Variants in TOP2B observed in about 807,000 individuals in gnomAD.
TOP2B encodes DNA topoisomerase 2-beta.
A neutral mutation model predicts 193.5 loss-of-function variants in TOP2B; 51 were observed. The observed-to-expected ratio is 0.26, with a 90% CI of 0.21 to 0.33. The LOEUF (loss-of-function observed/expected upper bound fraction) is 0.33. Among genes scored for constraint, TOP2B ranks in the 10% least tolerant of loss-of-function variants. The pLI, the probability that TOP2B is intolerant of heterozygous loss-of-function variation, is 1.00. For missense variants in TOP2B, 1,378 were observed against 1,909.3 expected, an observed-to-expected ratio of 0.72 and a Z score of 5.19; for synonymous variants, 634 against 635.7, an observed-to-expected ratio of 1.00 and a Z score of 0.04.
intron 29 of TOP2B, 82 bp from the exon 30 acceptor site, chr3:25,609,426 A>AAAAAAATAAAATTATTTTGTAATGAAAAC: frequency 2.8e-6 from 4 of 1,452,082 alleles, no homozygotes; most frequent in Non-Finnish European, 3.7e-6. Flanking sequence ...TATAATGAAA[A>AAAAAAATAAAATTATTTTGTAATGAAAAC]GTTCATTACA....
Position 25,598,061 on chromosome 3 carries a change from T to C in TOP2B, c.*246A>G. ...TTGTAACCATGACAATTAAAATCTG[T>C]GCTAATGCACGGCAGTCTATAACAA... On this transcript the variant is annotated 3_prime_UTR_variant, in exon 36 of 36. Coordinates refer to ENST00000264331, the MANE Select transcript of TOP2B (RefSeq NM_001330700.2). 1 of 296,316 alleles carries C rather than the reference T, an allele frequency of 3.4e-6. No homozygotes were observed. The highest frequency in any genetic ancestry group is 5.9e-5 in the East Asian group (1 of 16,984). 18.4% of individuals were successfully genotyped at this position (296,316 alleles called of 1,614,324 possible).
In TOP2B at chr3:25,607,056, CATGAAGAAG is replaced by C. The variant is rs1291239733; in HGVS notation, c.4298+106_4298+114del. The C allele has an allele frequency of 9.3e-6, 13 of 1,391,278 alleles. No individual in the cohort carries two copies. The Middle Eastern group carries it at 2.3e-3, about 250-fold the overall frequency. 86.2% of individuals were successfully genotyped at this position (1,391,278 alleles called of 1,614,324 possible). On this transcript the variant is annotated intron_variant, in intron 31 of 35. Transcript: ENST00000264331. ...GCAATATTAACAAGATTGATTCCTT[CATGAAGAAG>C]AACTTGCCTAGAATGATAACAATTT...
intron 1 of TOP2B, among the ~76,000 whole-genome samples, chr3:25,650,595 T>C (rs535593503): frequency 6.6e-6 from 1 of 152,378 alleles, no homozygotes; most frequent in African/African-American, 2.4e-5. Context: ...ATGGAAAGTC[T>C]GTGAATCTTT....
In TOP2B at chr3:25,609,265, A is replaced by G. The variant is rs1212990377; in HGVS notation, c.4011T>C (p.Asp1337=). The G allele has an allele frequency of 1.2e-6, 2 of 1,604,424 alleles. No homozygotes were observed. Among genetic ancestry groups the G allele is most frequent in the Admixed American group, 1.7e-5 (1 of 58,944 alleles). ...KKVKKRNPWS[D]DESKSESDLE... Reference sequence around the variant, plus strand: ...AATCACTTTCTGACTTGGATTCATCATCTGACCAAGGATTCCGTTTCTTCA... The same window carrying G: ...AATCACTTTCTGACTTGGATTCATCGTCTGACCAAGGATTCCGTTTCTTCA... The change falls in exon 30 of 36, where the codon GAT becomes GAC. Residue 1337 remains aspartate (D), a synonymous_variant. Coordinates refer to ENST00000264331, the MANE Select transcript of TOP2B (RefSeq NM_001330700.2).
intron 10 of TOP2B, 77 bp downstream of exon 10, chr3:25,632,369 C>T: frequency 2.3e-6 from 3 of 1,279,154 alleles, no homozygotes; most frequent in Non-Finnish European, 3.2e-6. Flanking sequence ...AGAAACTAAT[C>T]ACAAATAAAG....
rs536733760 is a variant in TOP2B at position 25,620,900 on chromosome 3, A to G, written c.2728-84T>C. 4.4e-5 allele frequency: 61 copies of G among 1,385,778 alleles called. No homozygotes were observed. In the South Asian group the frequency reaches 7.6e-4, roughly 17 times the overall value. The allele number at this position is 1,385,778 out of a possible 1,614,324, so 85.8% of individuals were successfully genotyped here. A position where few individuals can be genotyped will look rare whatever the true frequency, so the allele number is the denominator to read the frequency against. On this transcript the variant is annotated intron_variant, in intron 21 of 35. Coordinates refer to ENST00000264331, the MANE Select transcript of TOP2B (RefSeq NM_001330700.2). Reference sequence around the variant, plus strand: ...TATGGTCTAACATTGACAGATTAACACAACTGAAACAGAATTTCTCATCCT... The same window carrying G: ...TATGGTCTAACATTGACAGATTAACGCAACTGAAACAGAATTTCTCATCCT...
intron 22 of TOP2B, 21 bp downstream of exon 22, chr3:25,620,660 CA>C: frequency 1.9e-6 from 3 of 1,604,472 alleles, no homozygotes; most frequent in Non-Finnish European, 2.6e-6. Flanking sequence ...TTCCCTCAGG[CA>C]GATCACATAT....
intron 1 of TOP2B, among the ~76,000 whole-genome samples, chr3:25,657,491 C>T (rs116618027): frequency 0.013 from 2,021 of 152,250 alleles, 48 homozygotes; most frequent in African/African-American, 0.044. Context: ...TGACAATATT[C>T]AGAAAAGAGA....
At chr3:25,629,178 TA>T in intron 13 of TOP2B, 33 bp from the exon 14 acceptor site, 1 of 1,413,660 alleles carries the variant, frequency 7.1e-7, no homozygotes. Context: ...AAAAATGTTG[TA>T]ATACTTTTAT....
At chr3:25,660,674 CAT>C (rs1188426691) in intron 1 of TOP2B, among the ~76,000 whole-genome samples, 3 of 152,140 alleles carry the variant, frequency 2.0e-5, no homozygotes, top group African/African-American at 7.2e-5. Context: ...GGAAAGGGCA[CAT>C]AGTTTATGAA....
chr3:25,611,268 A>G (rs1377727577), intron 28 of TOP2B, among the ~76,000 whole-genome samples: 2 of 152,228 alleles, frequency 1.3e-5, no homozygotes, highest in Non-Finnish European at 2.9e-5. Flanking sequence ...AAAAGAAACC[A>G]TCTTCCGAGG....
intron 33 of TOP2B, among the ~76,000 whole-genome samples, chr3:25,602,396 CA>C (rs368021384): frequency 1.3e-3 from 54 of 41,428 alleles, no homozygotes; most frequent in Admixed American, 1.7e-3. Flanking sequence ...GACTCTGTCT[CA>C]AAAAAAAAAA....
chr3:25,652,228 G>A (rs1161523404), intron 1 of TOP2B, among the ~76,000 whole-genome samples: 1 of 152,124 alleles, frequency 6.6e-6, no homozygotes, highest in Non-Finnish European at 1.5e-5. Flanking sequence ...ATAATAGTAG[G>A]AGACTTCACT....
intron 28 of TOP2B, 136 bp from the exon 29 acceptor site, chr3:25,609,848 T>C: frequency 1.3e-6 from 1 of 789,118 alleles, no homozygotes; most frequent in Non-Finnish European, 1.8e-6. Flanking sequence ...TCCTAACAGC[T>C]GACTTTGATC....
chr3:25,629,982 T>G, intron 13 of TOP2B, 47 bp downstream of exon 13: 1 of 1,516,690 alleles, frequency 6.6e-7, no homozygotes, highest in Non-Finnish European at 8.8e-7. Context: ...AAAGGGAGAA[T>G]CTGAAGAAGA....
chr3:25,618,359 T>C, intron 25 of TOP2B, 59 bp downstream of exon 25: 2 of 1,301,752 alleles, frequency 1.5e-6, no homozygotes, highest in Non-Finnish European at 1.1e-6. Context: ...TGAATTTTTG[T>C]TTGTTTTGGA....
chr3:25,632,393 C>T (rs1258789747), intron 10 of TOP2B, 53 bp downstream of exon 10: 2 of 1,425,068 alleles, frequency 1.4e-6, no homozygotes, highest in East Asian at 5.0e-5. Flanking sequence ...ATCAAGAAAA[C>T]TACCTAATCA....
chr3:25,612,576 A>G lies in TOP2B; in HGVS notation c.3725T>C (p.Ile1242Thr). 6.2e-7 allele frequency: 1 copy of G among 1,613,084 alleles called. No individual in the cohort carries two copies. Among genetic ancestry groups the G allele is most frequent in the South Asian group, 1.1e-5 (1 of 91,016 alleles). ...ETMPSPYGRR[I>T]IPEITAMKAD... is the part of the protein sequence containing the mutation. ...CTTCATAGCTGTAATTTCAGGAATT[A>G]TTCTTCTGCCATAAGGTGAGGGCAT... The change falls in exon 28 of 36, where the codon ATA (isoleucine) becomes ACA (threonine). Residue 1242 changes from isoleucine (I) to threonine (T), a missense_variant. Physicochemically the swap from Ile to Thr is moderately conservative, Grantham distance 89. Around this residue, in one of 9 missense-constraint regions of TOP2B, gnomAD observed 556 missense variants for 584.2 expected, o/e 0.95. Transcript: ENST00000264331.
At chr3:25,639,585 C>T (rs1230676165) in intron 4 of TOP2B, among the ~76,000 whole-genome samples, 20 of 152,346 alleles carry the variant, frequency 1.3e-4, no homozygotes, top group African/African-American at 3.8e-4. Context: ...GGATTACAGG[C>T]GTGAGCCACC....
Sources: gnomAD v4.1 joint callset for allele counts (sites outside exome capture counted in the v4.1 genomes callset) on GRCh38, gnomAD v4.1.1 for gene constraint, gnomAD v4.1.1 regional missense constraint, MANE v1.5 for transcripts, NCBI Gene and HGNC (gene_info 2026-07-23, HGNC 2026-07-21) for gene names.